SCNN1B: variants seen among roughly 807,000 people sequenced by gnomAD.
The protein encoded by SCNN1B is sodium channel epithelial 1 subunit beta.
Under a neutral mutation model 65.3 loss-of-function variants are expected in SCNN1B, and 46 were observed. That is an observed-to-expected ratio of 0.70 (90% CI 0.56 to 0.90). The LOEUF is 0.90. Among genes scored for constraint, SCNN1B ranks in the 40% least tolerant of loss-of-function variants. The probability of loss-of-function intolerance (pLI) is 0.00; values close to 1 mark genes in which losing one functional copy is unlikely to be tolerated. For synonymous variants in SCNN1B, 349 were observed against 330.6 expected (o/e 1.06, Z -0.60); for missense variants, 751 against 830.5 (o/e 0.90, Z 1.18).
chr16:23,375,455 G>A (rs551471031), intron 7 of SCNN1B, among the ~76,000 whole-genome samples: 2 of 152,310 alleles, frequency 1.3e-5, no homozygotes, highest in South Asian at 2.1e-4. Flanking sequence ...GTTGAAGGGT[G>A]AGGACCCCAG....
At chr16:23,365,620 A>AGAGAGAGAGAGAGAAAGAAAGAAAGAAAG (rs11399911) in intron 4 of SCNN1B, among the ~76,000 whole-genome samples, 8 of 80,418 alleles carry the variant, frequency 9.9e-5, no homozygotes, top group South Asian at 4.6e-4. Context: ...AAAGAAAGAA[A>AGAGAGAGAGAGAGAAAGAAAGAAAGAAAG]AAAGAAAGAA....
At position 23,348,517 on chromosome 16, in the gene SCNN1B, C is replaced by T; in HGVS notation, c.-8-75C>T. 2.7e-6 allele frequency: 4 copies of T among 1,457,632 alleles called. No individual in the cohort carries two copies. Among genetic ancestry groups the T allele is most frequent in the Admixed American group, 3.5e-5 (2 of 57,530 alleles). The allele number at this position is 1,457,632 out of a possible 1,614,324, so 90.3% of individuals were successfully genotyped here. On this transcript the variant is annotated intron_variant, in intron 1 of 12. Coordinates refer to ENST00000343070, the MANE Select transcript of SCNN1B (RefSeq NM_000336.3). The surrounding 1 kb of genome is among the most constrained non-coding windows in gnomAD (Gnocchi z 4.5). ...AACGGGGACGTACCGCCGCCCAGTTCCTGGACGTGACTGGGACATCCTCGC... is the reference window on the plus strand; with the variant it reads ...AACGGGGACGTACCGCCGCCCAGTTTCTGGACGTGACTGGGACATCCTCGC...
rs771403738 is a variant in SCNN1B, at chr16:23,372,009, G to C, written c.1152+126G>C. 15 of 746,078 alleles carry C rather than the reference G, an allele frequency of 2.0e-5. 1 individual carries two copies. The highest frequency in any genetic ancestry group is 4.3e-5 in the South Asian group (3 of 69,198). 46.2% of individuals were successfully genotyped at this position (746,078 alleles called of 1,614,324 possible). On this transcript the variant is annotated intron_variant, in intron 7 of 12. Coordinates refer to ENST00000343070, the MANE Select transcript of SCNN1B (RefSeq NM_000336.3). Reference sequence around the variant, plus strand: ...CTGCTGGGCCTTTGTAGGTTGCCACGGGGCACCCCGGGCCTGTGGGACCAG... The same window carrying C: ...CTGCTGGGCCTTTGTAGGTTGCCACCGGGCACCCCGGGCCTGTGGGACCAG...
intron 2 of SCNN1B, among the ~76,000 whole-genome samples, chr16:23,293,114 CAAAAAAAAAAAAAAAA>C (rs1191618996): frequency 2.9e-4 from 10 of 34,160 alleles, no homozygotes; most frequent in Admixed American, 1.4e-3. Context: ...GACTCATTCT[CAAAAAAAAAAAAAAAA>C]AAAAAAAAAA....
chr16:23,373,978 C>A (rs1223626047), intron 7 of SCNN1B, among the ~76,000 whole-genome samples: 4 of 152,168 alleles, frequency 2.6e-5, no homozygotes, highest in African/African-American at 9.7e-5. Context: ...AAGAGCCAGG[C>A]CCTGATCGGG....
rs1962703019 is a variant in SCNN1B, at chr16:23,367,871, C to T, written c.792C>T (p.Ile264=). 1 of 1,614,044 alleles carries T rather than the reference C, an allele frequency of 6.2e-7. No individual in the cohort carries two copies. Among genetic ancestry groups the T allele is most frequent in the Non-Finnish European group, 8.5e-7 (1 of 1,179,844 alleles). The change falls in exon 5 of 13, where the codon ATC becomes ATT. Residue 264 remains isoleucine (I), a synonymous_variant. Coordinates refer to ENST00000343070, the MANE Select transcript of SCNN1B (RefSeq NM_000336.3). ...TTTCTTTTAGGAACTTCACGTCCAT[C>T]TTCTACCCTCACTATGGCAACTGTT... The part of the protein sequence containing the change: ...EPCNYRNFTS[I]FYPHYGNCYI...
At chr16:23,321,203 A>G (rs1458285171) in intron 1 of SCNN1B, among the ~76,000 whole-genome samples, 1 of 152,096 alleles carries the variant, frequency 6.6e-6, no homozygotes, top group Non-Finnish European at 1.5e-5. Flanking sequence ...CACCATGGCC[A>G]GCTAATTTTT....
At chr16:23,351,464 C>T (rs1298590136) in intron 2 of SCNN1B, among the ~76,000 whole-genome samples, 2 of 152,204 alleles carry the variant, frequency 1.3e-5, no homozygotes, top group East Asian at 3.8e-4. Flanking sequence ...ACACCACCAC[C>T]TGCACAGACG....
At chr16:23,354,551 C>A (rs1962377603) in intron 3 of SCNN1B, among the ~76,000 whole-genome samples, 1 of 152,230 alleles carries the variant, frequency 6.6e-6, no homozygotes, top group Non-Finnish European at 1.5e-5. Context: ...GTGCTCTGCA[C>A]CCTGTGGTGG....
intron 1 of SCNN1B, among the ~76,000 whole-genome samples, chr16:23,320,379 C>T (rs1961561862): frequency 6.6e-6 from 1 of 152,162 alleles, no homozygotes; most frequent in South Asian, 2.1e-4. Flanking sequence ...AGAACCACTG[C>T]CCTCAGCTCT....
At chr16:23,332,561 G>A (rs412755) in intron 1 of SCNN1B, among the ~76,000 whole-genome samples, 7 of 152,008 alleles carry the variant, frequency 4.6e-5, no homozygotes, top group Non-Finnish European at 5.9e-5. Flanking sequence ...GTACTCCTAA[G>A]CTCAAGTGAT....
intron 1 of SCNN1B, chr16:23,323,451 T>C: frequency 1.5e-5 from 10 of 685,544 alleles, no homozygotes; most frequent in Non-Finnish European, 2.7e-5. Flanking sequence ...TCATAGGCAC[T>C]GATCTCTCTC....
chr16:23,305,561 TATATATATATATATA>T (rs1961190049), intron 1 of SCNN1B, among the ~76,000 whole-genome samples: 2 of 67,438 alleles, frequency 3.0e-5, no homozygotes, highest in African/African-American at 1.5e-4. Flanking sequence ...TATATATATA[TATATATATATATATA>T]TTATATATAT....
chr16:23,348,001 T>C lies in SCNN1B; in HGVS notation c.-8-591T>C, dbSNP rs1962223485. 6.6e-6 allele frequency among the ~76,000 whole-genome samples: 1 copy of C among 152,214 alleles called. No individual in the cohort carries two copies. Among genetic ancestry groups the C allele is most frequent in the African/African-American group, 2.4e-5 (1 of 41,454 alleles). On this transcript the variant is annotated intron_variant, in intron 1 of 12. Transcript: ENST00000343070. This position sits in a 1 kb window ranked among gnomAD's most constrained non-coding sequence, Gnocchi z 4.5. ...TCAAGGTCACAGTGGCCAGAGCCTA[T>C]CTCTGCAGCTGAGGCCACAGGCGGG...
At chr16:23,368,148 G>A (rs141291100) in intron 5 of SCNN1B, among the ~76,000 whole-genome samples, 189 bp downstream of exon 5, 16 of 152,244 alleles carry the variant, frequency 1.1e-4, no homozygotes, top group South Asian at 8.3e-4. Context: ...AGCCATTCCC[G>A]CCCACAATGT....
intron 1 of SCNN1B, among the ~76,000 whole-genome samples, chr16:23,312,862 C>G (rs1200883913): frequency 6.6e-6 from 1 of 152,154 alleles, no homozygotes; most frequent in Non-Finnish European, 1.5e-5. Flanking sequence ...CCCTCCCCAA[C>G]CCTCACAGAA....
At chr16:23,377,039 C>T in intron 8 of SCNN1B, 126 bp from the exon 9 acceptor site, 1 of 850,032 alleles carries the variant, frequency 1.2e-6, no homozygotes, top group Non-Finnish European at 1.9e-6. Context: ...TTTTTCATGA[C>T]ACCTCCTCCT....
intron 2 of SCNN1B, among the ~76,000 whole-genome samples, chr16:23,287,410 C>T (rs770119193): frequency 7.9e-5 from 12 of 151,788 alleles, no homozygotes; most frequent in Non-Finnish European, 1.5e-4. Flanking sequence ...TGAGGGTGAC[C>T]GGGGAAATGC....
intron 1 of SCNN1B, among the ~76,000 whole-genome samples, chr16:23,307,489 T>A (rs1372469797): frequency 1.3e-5 from 2 of 152,006 alleles, no homozygotes; most frequent in African/African-American, 2.4e-5. Context: ...CCAGCTAATT[T>A]TTGTATTTTT....
Sources: gnomAD v4.1 joint callset for allele counts (sites outside exome capture counted in the v4.1 genomes callset) on GRCh38, gnomAD v4.1.1 for gene constraint, Gnocchi (gnomAD v3.1) non-coding constraint, MANE v1.5 for transcripts, NCBI Gene and HGNC (gene_info 2026-07-23, HGNC 2026-07-21) for gene names.